STIM1: variants seen among roughly 807,000 people sequenced by gnomAD.
The protein encoded by STIM1 is stromal interaction molecule 1.
Under a neutral mutation model 74.7 loss-of-function variants are expected in STIM1, and 25 were observed. That is an observed-to-expected ratio of 0.33 (90% CI 0.24 to 0.47). STIM1 has a LOEUF of 0.47. Among genes scored for constraint, STIM1 ranks in the 20% least tolerant of loss-of-function variants. The probability of loss-of-function intolerance (pLI) is 1.00; values close to 1 mark genes in which losing one functional copy is unlikely to be tolerated. For synonymous variants in STIM1, 328 were observed against 348.8 expected (o/e 0.94, Z 0.66); for missense variants, 728 against 920.8 (o/e 0.79, Z 2.71).
intron 1 of STIM1, among the ~76,000 whole-genome samples, chr11:3,960,494 G>C (rs1421654300): frequency 6.6e-6 from 1 of 152,174 alleles, no homozygotes; most frequent in Non-Finnish European, 1.5e-5. Context: ...CTAACCAATA[G>C]TTTCCAAATG....
intron 2 of STIM1, among the ~76,000 whole-genome samples, chr11:3,988,206 C>T (rs571800259): frequency 1.3e-5 from 2 of 152,222 alleles, no homozygotes; most frequent in African/African-American, 2.4e-5. Flanking sequence ...TCGAAGTTGC[C>T]GTTTGTTCAT....
intron 5 of STIM1, among the ~76,000 whole-genome samples, chr11:4,067,546 G>A (rs11030796): frequency 0.038 from 5,732 of 152,228 alleles, 254 homozygotes; most frequent in East Asian, 0.19. Context: ...TATTTGCTGC[G>A]TGAATATGAA....
At position 3,924,188 on chromosome 11, in the gene STIM1, CT is replaced by C. The variant is rs372413786; in HGVS notation, c.140-43355del. 1.4e-4 allele frequency among the ~76,000 whole-genome samples: 21 copies of C among 145,912 alleles called. No homozygotes were observed. In the East Asian group the frequency reaches 3.6e-3, roughly 25 times the overall value. ...GTTGTCTTGTAGTGGTCTTATATAT[CT>C]TTTTTTTTCTTTTCTTTTTTTTTTT... is the stretch of plus-strand genomic sequence containing the variant. On this transcript the variant is annotated intron_variant, in intron 1 of 12. Coordinates refer to ENST00000526596, the MANE Select transcript of STIM1 (RefSeq NM_001382567.1).
At chr11:3,964,839 C>T (rs2093324761) in intron 1 of STIM1, among the ~76,000 whole-genome samples, 2 of 151,990 alleles carry the variant, frequency 1.3e-5, no homozygotes, top group South Asian at 2.1e-4. Context: ...ATCCTCCTAC[C>T]TCAGCCTCCT....
chr11:4,091,837 C>T lies in STIM1; in HGVS notation c.*39C>T. The T allele has an allele frequency of 6.3e-7, 1 of 1,598,956 alleles. No homozygotes were observed. Among genetic ancestry groups the T allele is most frequent in the South Asian group, 1.1e-5 (1 of 90,940 alleles). On this transcript the variant is annotated 3_prime_UTR_variant, in exon 13 of 13. Transcript: ENST00000526596. ...GCAGTAAAGGGACAGCTTGTCCTTC[C>T]CTGGGTGTTCTGTCTCTCCTTCCCT...
intron 1 of STIM1, among the ~76,000 whole-genome samples, chr11:3,859,366 A>G (rs2090510902): frequency 6.6e-6 from 1 of 152,200 alleles, no homozygotes; most frequent in African/African-American, 2.4e-5. Context: ...CTTTCTCAGT[A>G]AAGATCTGTG....
chr11:3,955,865 A>T (rs934055675), intron 1 of STIM1, among the ~76,000 whole-genome samples: 3 of 151,952 alleles, frequency 2.0e-5, no homozygotes, highest in Non-Finnish European at 2.9e-5. Context: ...GTAAAGAAGG[A>T]TCATAAAAAG....
rs564862308 is a variant in STIM1 at position 3,886,884 on chromosome 11, C to T, written c.139+30475C>T. On this transcript the variant is annotated intron_variant, in intron 1 of 12. Transcript: ENST00000526596. The stretch of plus-strand genomic sequence containing the variant: ...AGGTGTGGTGGCGGGTGCCTGTAAT[C>T]CTAGCTACTCAGGAGGCTGAGGCAG... Among the ~76,000 whole-genome samples, 3 of 151,812 alleles carry T rather than the reference C, an allele frequency of 2.0e-5. No homozygotes were observed. The East Asian group carries it at 5.8e-4, about 29-fold the overall frequency.
At position 4,059,236 on chromosome 11, in the gene STIM1, G is replaced by T. The variant is rs753761724; in HGVS notation, c.498-45G>T. ...GGGTAATCCTACCAGGATCCTTCCT[G>T]GCTTTACTGGGAGGGAACTGATCTG... On this transcript the variant is annotated intron_variant, in intron 4 of 12. Coordinates refer to ENST00000526596, the MANE Select transcript of STIM1 (RefSeq NM_001382567.1). 2.6e-6 allele frequency: 4 copies of T among 1,541,300 alleles called. No homozygotes were observed. In the Admixed American group the frequency reaches 6.7e-5, roughly 26 times the overall value.
chr11:4,065,571 G>C lies in STIM1; in HGVS notation c.614-4455G>C, dbSNP rs777100577. ...TTTGTTCATCTGTCATCAGCACCCA[G>C]CTTAAGATCTAGCCAGAATTAAGTG... On this transcript the variant is annotated intron_variant, in intron 5 of 12. Transcript: ENST00000526596. Among the ~76,000 whole-genome samples, 13 of 151,890 alleles carry C rather than the reference G, an allele frequency of 8.6e-5. No homozygotes were observed. In the East Asian group the frequency reaches 9.7e-4, roughly 11 times the overall value.
At chr11:3,998,188 A>T (rs887252439) in intron 2 of STIM1, among the ~76,000 whole-genome samples, 3 of 152,160 alleles carry the variant, frequency 2.0e-5, no homozygotes, top group African/African-American at 7.2e-5. Flanking sequence ...TTCCCTCAAC[A>T]TGAGGGTTGT....
intron 12 of STIM1, among the ~76,000 whole-genome samples, chr11:4,087,262 C>T (rs530366519): frequency 6.6e-6 from 1 of 152,234 alleles, no homozygotes; most frequent in East Asian, 1.9e-4. Flanking sequence ...CCATCAAGAA[C>T]TACAATCTTG....
intron 1 of STIM1, among the ~76,000 whole-genome samples, chr11:3,881,537 A>AT (rs1168514549): frequency 1.3e-5 from 2 of 151,472 alleles, no homozygotes; most frequent in African/African-American, 4.9e-5. Flanking sequence ...CACCCGGCTA[A>AT]TTTTTTTGTA....
intron 2 of STIM1, chr11:3,989,532 G>A: frequency 1.7e-6 from 1 of 584,132 alleles, no homozygotes; most frequent in South Asian, 1.6e-5. Context: ...CGCGAAGCTG[G>A]GCTGCCTGGT....
intron 2 of STIM1, among the ~76,000 whole-genome samples, chr11:3,998,616 G>C (rs2093683819): frequency 6.6e-6 from 1 of 152,116 alleles, no homozygotes; most frequent in Non-Finnish European, 1.5e-5. Context: ...AGATGCTGGT[G>C]AAGAATAAAT....
intron 3 of STIM1, among the ~76,000 whole-genome samples, chr11:4,041,080 C>T (rs1388192756): frequency 6.6e-6 from 1 of 152,190 alleles, no homozygotes; most frequent in East Asian, 1.9e-4. Context: ...GGAAGGGCCA[C>T]TTTGGAAGGA....
intron 3 of STIM1, among the ~76,000 whole-genome samples, chr11:4,047,841 T>G (rs1440766797): frequency 7.0e-6 from 1 of 143,630 alleles, no homozygotes; most frequent in Non-Finnish European, 1.5e-5. Flanking sequence ...TTTTTTGAGA[T>G]GGAGTCTCAC....
chr11:3,876,509 A>T (rs1415517819), intron 1 of STIM1, among the ~76,000 whole-genome samples: 2 of 152,180 alleles, frequency 1.3e-5, no homozygotes, highest in African/African-American at 4.8e-5. Context: ...GGGCTCAAGC[A>T]ATCCTCCTGC....
chr11:4,052,876 T>G (rs1565161166), intron 3 of STIM1, among the ~76,000 whole-genome samples: 3 of 151,932 alleles, frequency 2.0e-5, no homozygotes, highest in Non-Finnish European at 2.9e-5. Flanking sequence ...TACAAAGAAC[T>G]CAAACAAAGT....
Sources: gnomAD v4.1 joint callset for allele counts (sites outside exome capture counted in the v4.1 genomes callset) on GRCh38, gnomAD v4.1.1 for gene constraint, MANE v1.5 for transcripts, NCBI Gene and HGNC (gene_info 2026-07-23, HGNC 2026-07-21) for gene names.